The following NR6A1 variants were observed in gnomAD, a reference collection of about 807,000 sequenced individuals.
NR6A1 encodes nuclear receptor subfamily 6 group A member 1.
Under a neutral mutation model 59.1 loss-of-function variants are expected in NR6A1, and 7 were observed. The observed-to-expected ratio is 0.12, with a 90% CI of 0.07 to 0.22. NR6A1 has a LOEUF of 0.22. Ranked by LOEUF, NR6A1 falls within the 10% of genes least tolerant of loss-of-function variation. NR6A1 has a pLI of 1.00. For missense variants in NR6A1, 468 were observed against 611.6 expected (o/e 0.77, Z 2.48); for synonymous variants, 243 against 236.1 (o/e 1.03, Z -0.27).
intron 1 of NR6A1, among the ~76,000 whole-genome samples, chr9:124,755,461 A>G (rs1473678307): frequency 6.6e-6 from 1 of 152,218 alleles, no homozygotes; most frequent in Non-Finnish European, 1.5e-5. Context: ...TAAAATCTGC[A>G]AGATCTATGT....
chr9:124,551,278 C>A (rs1833770349), intron 3 of NR6A1, among the ~76,000 whole-genome samples: 1 of 152,176 alleles, frequency 6.6e-6, no homozygotes, highest in South Asian at 2.1e-4. Context: ...TGTACACTAA[C>A]TCACCTACCC....
chr9:124,677,710 G>A (rs1324621659), intron 2 of NR6A1, among the ~76,000 whole-genome samples: 3 of 151,942 alleles, frequency 2.0e-5, no homozygotes, highest in East Asian at 1.9e-4. Flanking sequence ...GGATTCCCTC[G>A]TGACCTTTCT....
rs139888611 is a variant in NR6A1 at position 124,549,016 on chromosome 9, C to G, written c.386-5159G>C. Reference sequence around the variant, plus strand: ...GACCAACAGAAAAGTAGGACTTGATCATGGCCCTTGAGGGGCTCATTGTCT... The same window carrying G: ...GACCAACAGAAAAGTAGGACTTGATGATGGCCCTTGAGGGGCTCATTGTCT... On this transcript the variant is annotated intron_variant, in intron 3 of 9. Coordinates refer to ENST00000487099, the MANE Select transcript of NR6A1 (RefSeq NM_033334.4). Among the ~76,000 whole-genome samples the G allele has an allele frequency of 2.6e-4, 39 of 152,252 alleles. No individual in the cohort carries two copies. In the East Asian group the frequency reaches 7.3e-3, roughly 29 times the overall value.
chr9:124,578,731 T>C (rs1834676957), intron 2 of NR6A1, among the ~76,000 whole-genome samples: 2 of 152,158 alleles, frequency 1.3e-5, no homozygotes, highest in African/African-American at 4.8e-5. Flanking sequence ...ATTCTTCTGT[T>C]CAAAACACTC....
chr9:124,578,793 T>A (rs1277757302), intron 2 of NR6A1, among the ~76,000 whole-genome samples: 2 of 152,238 alleles, frequency 1.3e-5, no homozygotes, highest in African/African-American at 4.8e-5. Context: ...TAGCCCTATA[T>A]CATGAGGCTC....
At chr9:124,605,824 T>G (rs145617446) in intron 2 of NR6A1, among the ~76,000 whole-genome samples, 1 of 152,340 alleles carries the variant, frequency 6.6e-6, no homozygotes, top group East Asian at 1.9e-4. Flanking sequence ...TTATAAAAAT[T>G]AAAGCACACA....
chr9:124,599,750 T>G (rs1835396748), intron 2 of NR6A1, among the ~76,000 whole-genome samples: 1 of 152,016 alleles, frequency 6.6e-6, no homozygotes, highest in African/African-American at 2.4e-5. Context: ...ATTTTAAAGA[T>G]GGACAAACTG....
intron 2 of NR6A1, among the ~76,000 whole-genome samples, chr9:124,721,400 A>T (rs957705414): frequency 1.3e-5 from 2 of 152,226 alleles, no homozygotes; most frequent in African/African-American, 4.8e-5. Context: ...CTCCTCAGCA[A>T]AAGGCCACAT....
chr9:124,676,336 C>T (rs1370553477), intron 2 of NR6A1, among the ~76,000 whole-genome samples: 1 of 152,118 alleles, frequency 6.6e-6, no homozygotes, highest in Non-Finnish European at 1.5e-5. Flanking sequence ...TTGGCAGCTG[C>T]ACTATGTACT....
chr9:124,676,744 C>T (rs544844259), intron 2 of NR6A1, among the ~76,000 whole-genome samples: 1 of 152,148 alleles, frequency 6.6e-6, no homozygotes, highest in African/African-American at 2.4e-5. Context: ...GTTTAAGTAT[C>T]CAGATCCTCA....
chr9:124,626,011 C>T (rs1318719432), intron 2 of NR6A1, among the ~76,000 whole-genome samples: 2 of 152,098 alleles, frequency 1.3e-5, no homozygotes, highest in African/African-American at 4.8e-5. Flanking sequence ...TGTCTTTATT[C>T]ATTTATTTAT....
At chr9:124,675,985 A>G (rs1837947893) in intron 2 of NR6A1, among the ~76,000 whole-genome samples, 1 of 152,200 alleles carries the variant, frequency 6.6e-6, no homozygotes, top group Non-Finnish European at 1.5e-5. Context: ...GATGGAATGT[A>G]GCACATGGAA....
At chr9:124,546,628 T>C (rs1003192561) in intron 3 of NR6A1, among the ~76,000 whole-genome samples, 17 of 152,188 alleles carry the variant, frequency 1.1e-4, no homozygotes, top group Non-Finnish European at 1.6e-4. Context: ...TGGTAAAGAA[T>C]TGCCTTTAAA....
At chr9:124,652,283 T>C (rs1247694279) in intron 2 of NR6A1, among the ~76,000 whole-genome samples, 2 of 152,202 alleles carry the variant, frequency 1.3e-5, no homozygotes, top group Non-Finnish European at 2.9e-5. Flanking sequence ...TCCTCAACTG[T>C]CTTATCAGCT....
chr9:124,592,601 A>G (rs1835160028), intron 2 of NR6A1, among the ~76,000 whole-genome samples: 1 of 152,184 alleles, frequency 6.6e-6, no homozygotes, highest in African/African-American at 2.4e-5. Context: ...TAGCCTCAAA[A>G]TTGTCCAGAT....
intron 2 of NR6A1, among the ~76,000 whole-genome samples, chr9:124,653,443 T>A (rs1347511087): frequency 6.6e-6 from 1 of 152,006 alleles, no homozygotes; most frequent in Non-Finnish European, 1.5e-5. Flanking sequence ...AGAGACAGAG[T>A]CTCTGTCACC....
At chr9:124,654,050 A>C (rs890065421) in intron 2 of NR6A1, among the ~76,000 whole-genome samples, 4 of 152,232 alleles carry the variant, frequency 2.6e-5, no homozygotes, top group Non-Finnish European at 4.4e-5. Context: ...ATGCTGGAAG[A>C]AGCTCTCGTT....
chr9:124,622,970 A>G (rs576843011), intron 2 of NR6A1, among the ~76,000 whole-genome samples: 2 of 152,292 alleles, frequency 1.3e-5, no homozygotes, highest in East Asian at 3.9e-4. Flanking sequence ...CAATGTAATA[A>G]AACTACAGAA....
At chr9:124,744,347 T>C (rs980472662) in intron 1 of NR6A1, among the ~76,000 whole-genome samples, 1 of 152,248 alleles carries the variant, frequency 6.6e-6, no homozygotes, top group African/African-American at 2.4e-5. Context: ...TCTATTACTA[T>C]AAACCAGGCA....
Sources: allele counts gnomAD v4.1 joint callset (sites outside exome capture counted in the v4.1 genomes callset), GRCh38; gene constraint gnomAD v4.1.1; transcripts MANE v1.5; gene names NCBI Gene and HGNC (gene_info 2026-07-23, HGNC 2026-07-21).